Variants in CCDC149 observed in about 807,000 individuals in gnomAD.
CCDC149 encodes coiled-coil domain-containing protein 149.
In CCDC149, 45 loss-of-function variants were observed where a neutral mutation model predicts 59.9. The ratio of observed to expected loss-of-function variants is 0.75; its 90% CI spans 0.59 to 0.96. The LOEUF (loss-of-function observed/expected upper bound fraction) is 0.96, where lower values mean the gene tolerates loss of function less well. CCDC149 is among the 40% of genes least tolerant of loss of function. CCDC149 has a pLI of 0.00. For missense variants in CCDC149, 584 were observed against 664.7 expected, an observed-to-expected ratio of 0.88 and a Z score of 1.33; for synonymous variants, 245 against 260.6, an observed-to-expected ratio of 0.94 and a Z score of 0.58.
At chr4:24,932,676 G>A (rs1168007436) in intron 1 of CCDC149, among the ~76,000 whole-genome samples, 2 of 152,094 alleles carry the variant, frequency 1.3e-5, no homozygotes, top group Non-Finnish European at 2.9e-5. Flanking sequence ...CATTGGTCAT[G>A]AGCCTTCTAC....
intron 1 of CCDC149, among the ~76,000 whole-genome samples, chr4:24,958,823 G>A: frequency 6.6e-6 from 1 of 152,124 alleles, no homozygotes; most frequent in Non-Finnish European, 1.5e-5. Flanking sequence ...CTTGAGGTCA[G>A]GAGTTTGAGA....
chr4:24,949,891 A>G (rs914779043), intron 1 of CCDC149, among the ~76,000 whole-genome samples: 3 of 152,152 alleles, frequency 2.0e-5, no homozygotes, highest in Non-Finnish European at 4.4e-5. Context: ...GCCTGTGACT[A>G]AGGTGGGTGG....
chr4:24,819,753 C>T lies in CCDC149; in HGVS notation c.1192+106G>A, dbSNP rs1405881058. On this transcript the variant is annotated intron_variant, in intron 12 of 12. Transcript: ENST00000635206. ...AATCTGAGGAATGTCCCAATGATGC[C>T]AAAGCAGCAGCACAAAGGGGAAGGG... is the stretch of plus-strand genomic sequence containing the variant. 4 of 830,338 alleles carry T rather than the reference C, an allele frequency of 4.8e-6. No individual in the cohort carries two copies. The African/African-American group carries it at 6.8e-5, about 14-fold the overall frequency. 51.4% of individuals were successfully genotyped at this position (830,338 alleles called of 1,614,324 possible).
intron 4 of CCDC149, 46 bp from the exon 5 acceptor site, chr4:24,838,318 C>T: frequency 7.0e-7 from 1 of 1,428,566 alleles, no homozygotes; most frequent in Non-Finnish European, 9.9e-7. Flanking sequence ...AGAGAATAAA[C>T]AGATCCAAAT....
intron 1 of CCDC149, among the ~76,000 whole-genome samples, chr4:24,961,536 A>G (rs183753142): frequency 2.6e-5 from 4 of 152,212 alleles, no homozygotes; most frequent in South Asian, 4.1e-4. Context: ...AGCTGGAGGC[A>G]TCATGCTACC....
rs967698364 is a variant in CCDC149 at position 24,949,443 on chromosome 4, G to C, written c.-65+30626C>G. Among the ~76,000 whole-genome samples, 4 of 151,568 alleles carry C rather than the reference G, an allele frequency of 2.6e-5. No individual in the cohort carries two copies. In the South Asian group the frequency reaches 8.5e-4, roughly 32 times the overall value. On this transcript the variant is annotated intron_variant, in intron 1 of 12. Coordinates refer to the CCDC149 transcript ENST00000389609. ...GTAGAGAGGTAGTGGTGGCAGGGAGGGGGGGTGGTGGGGGGACTCCCTCAT... is the reference window on the plus strand; with the variant it reads ...GTAGAGAGGTAGTGGTGGCAGGGAGCGGGGGTGGTGGGGGGACTCCCTCAT...
intron 1 of CCDC149, among the ~76,000 whole-genome samples, chr4:24,909,653 G>A (rs796628512): frequency 6.6e-6 from 1 of 152,264 alleles, no homozygotes; most frequent in African/African-American, 2.4e-5. Context: ...TGTTGTGGGA[G>A]GGACCTGGTG....
At chr4:24,834,539 T>TG (rs1716367607) in intron 8 of CCDC149, among the ~76,000 whole-genome samples, 1 of 152,132 alleles carries the variant, frequency 6.6e-6, no homozygotes, top group Non-Finnish European at 1.5e-5. Context: ...AACGCACCCT[T>TG]GGAGATGCTG....
At chr4:24,944,862 G>A (rs888021819) in intron 1 of CCDC149, among the ~76,000 whole-genome samples, 4 of 152,320 alleles carry the variant, frequency 2.6e-5, no homozygotes, top group African/African-American at 9.6e-5. Flanking sequence ...GCAACTATAA[G>A]TCTAAGGGAG....
rs188465941 is a variant in CCDC149 at position 24,941,001 on chromosome 4, A to G, written c.-65+39068T>C. The stretch of plus-strand genomic sequence containing the variant: ...AGACAGGTCAATGAGACAGAAAGTT[A>G]AGACGGATATCCAGGAATTGAACTC... On this transcript the variant is annotated intron_variant, in intron 1 of 12. Transcript: ENST00000389609. Among the ~76,000 whole-genome samples the G allele has an allele frequency of 3.1e-3, 472 of 152,304 alleles. 2 individuals are homozygous for G. Among genetic ancestry groups the G allele is most frequent in the Middle Eastern group, 6.8e-3 (2 of 294 alleles).
At chr4:24,879,687 A>T (rs1283844698) in intron 1 of CCDC149, among the ~76,000 whole-genome samples, 1 of 149,314 alleles carries the variant, frequency 6.7e-6, no homozygotes, top group Non-Finnish European at 1.5e-5. Context: ...TCCATCTCAA[A>T]AAAAAAAAAA....
At chr4:24,873,637 G>C in intron 3 of CCDC149, 44 bp downstream of exon 3, 2 of 1,311,982 alleles carry the variant, frequency 1.5e-6, no homozygotes, top group Middle Eastern at 1.9e-4. Flanking sequence ...CCCAATTGCT[G>C]CTAGGTATCA....
chr4:24,865,462 G>A (rs973707905), intron 3 of CCDC149, among the ~76,000 whole-genome samples: 2 of 152,094 alleles, frequency 1.3e-5, no homozygotes, highest in East Asian at 1.9e-4. Flanking sequence ...GCTTAGCAAG[G>A]GCCCCCTATT....
Position 24,911,085 on chromosome 4 carries a change from G to A in CCDC149, c.63+1732C>T, listed in dbSNP as rs531853661. ...TGAAGGACCTACTTCAGGATTCACT[G>A]ACTTATTCAACAAGCATTTTTCGAG... On this transcript the variant is annotated intron_variant, in intron 1 of 12. Transcript: ENST00000635206. 2.6e-4 allele frequency among the ~76,000 whole-genome samples: 39 copies of A among 152,234 alleles called. No individual in the cohort carries two copies. In the South Asian group the frequency reaches 7.9e-3, roughly 31 times the overall value.
At chr4:24,834,669 C>T (rs1013269778) in intron 8 of CCDC149, among the ~76,000 whole-genome samples, 1 of 152,152 alleles carries the variant, frequency 6.6e-6, no homozygotes, top group Non-Finnish European at 1.5e-5. Context: ...AAGTGGGGTC[C>T]CTAATCCAGC....
intron 4 of CCDC149, among the ~76,000 whole-genome samples, chr4:24,848,604 T>C (rs1717463339): frequency 6.6e-6 from 1 of 151,618 alleles, no homozygotes; most frequent in South Asian, 2.1e-4. Context: ...ATACAATAAA[T>C]AATGACCCCA....
intron 1 of CCDC149, among the ~76,000 whole-genome samples, chr4:24,903,024 C>CAAAAAAA (rs10646050): frequency 0.049 from 2,516 of 51,420 alleles, 169 homozygotes; most frequent in East Asian, 0.089. Context: ...GAGTCTAACT[C>CAAAAAAA]AAAAAAAAAA....
intron 1 of CCDC149, among the ~76,000 whole-genome samples, chr4:24,933,002 A>G (rs888358257): frequency 6.6e-6 from 1 of 152,144 alleles, no homozygotes; most frequent in East Asian, 1.9e-4. Context: ...GGCATTCCCA[A>G]TGTGGCAGTG....
chr4:24,905,416 T>TGC (rs1318273643), intron 1 of CCDC149, among the ~76,000 whole-genome samples: 54 of 100,206 alleles, frequency 5.4e-4, no homozygotes, highest in African/African-American at 1.6e-3. Context: ...CGTGCGTGCG[T>TGC]GTGTGTGTGT....
Sources: gnomAD v4.1 joint callset for allele counts (sites outside exome capture counted in the v4.1 genomes callset) on GRCh38, gnomAD v4.1.1 for gene constraint, MANE v1.5 for transcripts, NCBI Gene and HGNC (gene_info 2026-07-23, HGNC 2026-07-21) for gene names.